The following RABEP1 variants were observed in gnomAD, a reference collection of about 807,000 sequenced individuals.
RABEP1 encodes rabaptin, RAB GTPase binding effector protein 1.
In RABEP1, 51 loss-of-function variants were observed where a neutral mutation model predicts 123.4. The observed-to-expected ratio is 0.41, with a 90% CI of 0.33 to 0.52. The LOEUF (loss-of-function observed/expected upper bound fraction) is 0.52. RABEP1 is among the 20% of genes least tolerant of loss of function. RABEP1 has a pLI of 0.16. For synonymous variants in RABEP1, 347 were observed against 355.2 expected, an observed-to-expected ratio of 0.98 and a Z score of 0.26; for missense variants, 888 against 996.3, an observed-to-expected ratio of 0.89 and a Z score of 1.46.
intron 1 of RABEP1, among the ~76,000 whole-genome samples, chr17:5,304,910 C>G (rs1483060741): frequency 6.6e-6 from 1 of 152,158 alleles, no homozygotes; most frequent in Non-Finnish European, 1.5e-5. Context: ...TTGATCACTA[C>G]TTTTTTTCTT....
At position 5,356,198 on chromosome 17, in the gene RABEP1, A is replaced by G. The variant is rs536468916; in HGVS notation, c.1095+1708A>G. Among the ~76,000 whole-genome samples the G allele has an allele frequency of 3.2e-4, 49 of 152,280 alleles. 1 individual carries two copies. In the East Asian group the frequency reaches 9.3e-3, roughly 29 times the overall value. ...GTGTGAAACCCTATCTCTACTAAAA[A>G]TACACAAATTAGCTGGGCGAGGTGG... On this transcript the variant is annotated intron_variant, in intron 8 of 17. Coordinates refer to ENST00000537505, the MANE Select transcript of RABEP1 (RefSeq NM_004703.6).
chr17:5,350,979 G>A (rs1440966500), intron 7 of RABEP1, among the ~76,000 whole-genome samples: 1 of 152,042 alleles, frequency 6.6e-6, no homozygotes, highest in Admixed American at 6.6e-5. Flanking sequence ...CTTTGAATGC[G>A]GCCCAACACA....
intron 6 of RABEP1, among the ~76,000 whole-genome samples, chr17:5,347,400 A>T (rs1908151230): frequency 6.8e-6 from 1 of 147,534 alleles, no homozygotes; most frequent in East Asian, 2.0e-4. Context: ...ACAGAGCGAG[A>T]CTTCATCTCA....
chr17:5,367,245 TACACACACAC>T (rs145302611), intron 11 of RABEP1, among the ~76,000 whole-genome samples: 5 of 147,666 alleles, frequency 3.4e-5, no homozygotes, highest in Non-Finnish European at 6.0e-5. Flanking sequence ...AGAACTTAGA[TACACACACAC>T]ACACACACAC....
intron 2 of RABEP1, among the ~76,000 whole-genome samples, chr17:5,311,848 A>T (rs928008141): frequency 6.6e-5 from 10 of 152,196 alleles, no homozygotes; most frequent in African/African-American, 1.9e-4. Flanking sequence ...GCTTGTCAGC[A>T]TCAATTCTAT....
chr17:5,342,493 T>G (rs1907700185), intron 5 of RABEP1, among the ~76,000 whole-genome samples: 1 of 151,770 alleles, frequency 6.6e-6, no homozygotes. Flanking sequence ...CAAAAATTAG[T>G]CGAGCATGGT....
intron 12 of RABEP1, among the ~76,000 whole-genome samples, chr17:5,370,781 A>G (rs970868583): frequency 8.5e-5 from 13 of 152,192 alleles, no homozygotes; most frequent in Non-Finnish European, 1.3e-4. Flanking sequence ...TAGTTTCAGA[A>G]TGACTATATC....
At chr17:5,320,393 A>G (rs1006428635) in intron 2 of RABEP1, among the ~76,000 whole-genome samples, 1 of 137,038 alleles carries the variant, frequency 7.3e-6, no homozygotes, top group Non-Finnish European at 1.6e-5. Flanking sequence ...GAGTTCTTCC[A>G]TTTGAAATTT....
Position 5,379,782 on chromosome 17 carries a change from G to A in RABEP1, c.2272-582G>A, listed in dbSNP as rs193167906. Among the ~76,000 whole-genome samples, 175 of 152,202 alleles carry A rather than the reference G, an allele frequency of 1.1e-3. 1 individual carries two copies. Among genetic ancestry groups the A allele is most frequent in the Admixed American group, 6.3e-3 (97 of 15,288 alleles). Reference sequence around the variant, plus strand: ...ATTTAAACATTAGAAACTTGTTCGCGTCCCAGTCTAGTGGAAAGCCCTCCC... The same window carrying A: ...ATTTAAACATTAGAAACTTGTTCGCATCCCAGTCTAGTGGAAAGCCCTCCC... On this transcript the variant is annotated intron_variant, in intron 15 of 17. Transcript: ENST00000537505.
chr17:5,357,660 C>T (rs1246036258), intron 8 of RABEP1, among the ~76,000 whole-genome samples: 3 of 152,090 alleles, frequency 2.0e-5, no homozygotes, highest in Non-Finnish European at 2.9e-5. Flanking sequence ...TGTGAGCCAC[C>T]GTTTCCAGCT....
intron 4 of RABEP1, among the ~76,000 whole-genome samples, chr17:5,336,995 A>G (rs1907152379): frequency 6.6e-6 from 1 of 152,162 alleles, no homozygotes; most frequent in African/African-American, 2.4e-5. Context: ...TTAGGTTTTC[A>G]GTTTCTCTAG....
chr17:5,369,920 G>A (rs997141454), intron 12 of RABEP1, among the ~76,000 whole-genome samples: 2 of 151,966 alleles, frequency 1.3e-5, no homozygotes, highest in African/African-American at 2.4e-5. Flanking sequence ...GGCTGGTCTC[G>A]AACTCCTACC....
At chr17:5,308,256 C>T (rs186763715) in intron 1 of RABEP1, among the ~76,000 whole-genome samples, 440 of 143,086 alleles carry the variant, frequency 3.1e-3, no homozygotes, top group South Asian at 0.014. Context: ...GACAGAGTCT[C>T]ACTCTGTCAC....
intron 2 of RABEP1, among the ~76,000 whole-genome samples, chr17:5,313,951 TGAAGTCTAAATCTA>T (rs1567876150): frequency 1.3e-5 from 2 of 152,220 alleles, no homozygotes; most frequent in Non-Finnish European, 2.9e-5. Flanking sequence ...GTATCTACTG[TGAAGTCTAAATCTA>T]GTCTTTAATG....
intron 2 of RABEP1, among the ~76,000 whole-genome samples, chr17:5,327,356 A>G (rs528802867): frequency 1.3e-5 from 2 of 152,058 alleles, no homozygotes; most frequent in East Asian, 1.9e-4. Context: ...TCAAAAAAAA[A>G]AAAAAACCCC....
intron 17 of RABEP1, among the ~76,000 whole-genome samples, chr17:5,381,998 C>T (rs757368297): frequency 8.5e-5 from 13 of 152,178 alleles, no homozygotes; most frequent in South Asian, 2.1e-4. Flanking sequence ...CATGCTCCCT[C>T]GGGCACTCTA....
intron 13 of RABEP1, among the ~76,000 whole-genome samples, chr17:5,375,099 C>CT (rs529411322): frequency 0.05 from 6,225 of 125,724 alleles, 196 homozygotes; most frequent in East Asian, 0.15. Context: ...ATACCTGTTT[C>CT]TTTTTTTTTT....
rs757416645 is a variant in RABEP1, at chr17:5,381,642, A to G, written c.2487+137A>G. On this transcript the variant is annotated intron_variant, in intron 17 of 17. Transcript: ENST00000537505. ...CTCCTACCTCCACCCCAAATGTCTG[A>G]CTCATCATTCAAGCCAGAAACCTGG... 5 of 1,389,500 alleles carry G rather than the reference A, an allele frequency of 3.6e-6. No homozygotes were observed. The Admixed American group carries it at 1.3e-4, about 37-fold the overall frequency. The allele number at this position is 1,389,500 out of a possible 1,614,324, so 86.1% of individuals were successfully genotyped here. A position where few individuals can be genotyped will look rare whatever the true frequency, so the allele number is the denominator to read the frequency against.
chr17:5,322,932 C>T (rs907338003), intron 2 of RABEP1, among the ~76,000 whole-genome samples: 16 of 152,134 alleles, frequency 1.1e-4, no homozygotes, highest in Middle Eastern at 3.4e-3. Context: ...AAAAATTAGC[C>T]GGGCATGGTG....
Sources: gnomAD v4.1 joint callset for allele counts (sites outside exome capture counted in the v4.1 genomes callset) on GRCh38, gnomAD v4.1.1 for gene constraint, MANE v1.5 for transcripts, NCBI Gene and HGNC (gene_info 2026-07-23, HGNC 2026-07-21) for gene names.